RNF144B: variants seen among roughly 807,000 people sequenced by gnomAD.
RNF144B encodes the protein ring finger protein 144B, also known as E3 ubiquitin-protein ligase RNF144B.
A neutral mutation model predicts 40.2 loss-of-function variants in RNF144B; 25 were observed. That is an observed-to-expected ratio of 0.62 (90% CI 0.45 to 0.87). RNF144B has a LOEUF of 0.87. RNF144B is among the 40% of genes least tolerant of loss of function. The pLI is 0.00. For synonymous variants in RNF144B, 145 were observed against 136.3 expected (o/e 1.06, Z -0.44); for missense variants, 365 against 373.7 (o/e 0.98, Z 0.19).
chr6:18,403,214 A>G (rs559225061), intron 2 of RNF144B, among the ~76,000 whole-genome samples: 1 of 152,262 alleles, frequency 6.6e-6, no homozygotes, highest in African/African-American at 2.4e-5. Flanking sequence ...TGTTAATTCA[A>G]GCGAAATAAA....
At position 18,441,695 on chromosome 6, in the gene RNF144B, A is replaced by G. The variant is rs148410120; in HGVS notation, c.331+1951A>G. Among the ~76,000 whole-genome samples the G allele has an allele frequency of 7.8e-4, 119 of 152,288 alleles. No individual in the cohort carries two copies. The highest frequency in any genetic ancestry group is 2.8e-3 in the African/African-American group (117 of 41,570). On this transcript the variant is annotated intron_variant, in intron 4 of 7. Coordinates refer to ENST00000259939, the MANE Select transcript of RNF144B (RefSeq NM_182757.4). The surrounding 1 kb of genome is among the most constrained non-coding windows in gnomAD (Gnocchi z 4.9). Reference sequence around the variant, plus strand: ...AATCGTAGCTAAGACCCTGAGTGCAATTGCAGGCTCCACCACTGGTAAGCT... The same window carrying G: ...AATCGTAGCTAAGACCCTGAGTGCAGTTGCAGGCTCCACCACTGGTAAGCT...
At chr6:18,420,297 G>C (rs1049779440) in intron 2 of RNF144B, among the ~76,000 whole-genome samples, 3 of 152,068 alleles carry the variant, frequency 2.0e-5, no homozygotes, top group Non-Finnish European at 2.9e-5. Flanking sequence ...GGATTTTGGA[G>C]CATTTCAGAT....
chr6:18,428,319 T>A (rs1758612160), intron 3 of RNF144B, among the ~76,000 whole-genome samples: 1 of 152,158 alleles, frequency 6.6e-6, no homozygotes, highest in African/African-American at 2.4e-5. Context: ...ATACAGAGGC[T>A]GAATAGTGAA....
intron 2 of RNF144B, among the ~76,000 whole-genome samples, chr6:18,407,412 C>A (rs1399081728): frequency 6.6e-6 from 1 of 152,058 alleles, no homozygotes; most frequent in East Asian, 1.9e-4. Context: ...AATCATCTCA[C>A]AAGATTATAT....
Position 18,459,666 on chromosome 6 carries a change from A to G in RNF144B, c.596A>G (p.Tyr199Cys), listed in dbSNP as rs1393995532. 1.2e-6 allele frequency: 2 copies of G among 1,614,022 alleles called. No individual in the cohort carries two copies. Among genetic ancestry groups the G allele is most frequent in the South Asian group, 1.1e-5 (1 of 91,088 alleles). Residue 199 changes from tyrosine to cysteine, a missense_variant, in exon 6 of 8, where the codon TAT (tyrosine) becomes TGT (cysteine). Physicochemically the swap from Tyr to Cys is radical, Grantham distance 194. Transcript: ENST00000259939. The surrounding 1 kb of genome is among the most constrained non-coding windows in gnomAD (Gnocchi z 4.2). ...PIKQCPVCRVYIERNEGCAQM... is the reference protein window; with the variant it reads ...PIKQCPVCRVCIERNEGCAQM... ...AAGCAGTGCCCAGTTTGCCGGGTTT[A>G]TATCGAACGCAATGAAGGCTGCGCT...
In RNF144B at chr6:18,456,588, A is replaced by G. The variant is rs1475774440; in HGVS notation, c.332-567A>G. Among the ~76,000 whole-genome samples, 2 of 152,238 alleles carry G rather than the reference A, an allele frequency of 1.3e-5. No individual in the cohort carries two copies. The highest frequency in any genetic ancestry group is 4.8e-5 in the African/African-American group (2 of 41,464). On this transcript the variant is annotated intron_variant, in intron 4 of 7. Transcript: ENST00000259939. This position sits in a 1 kb window ranked among gnomAD's most constrained non-coding sequence, Gnocchi z 4.7. ...TAAAAGTCTTGTGAATTTTGTTTAC[A>G]GAGAACACTTTTTATCTGTTCATAA...
At position 18,467,449 on chromosome 6, in the gene RNF144B, C is replaced by T; in HGVS notation, c.*2382C>T. On this transcript the variant is annotated 3_prime_UTR_variant, in exon 8 of 8. Transcript: ENST00000259939. ...GGGCTATGGAGTGGGGGTTGTTTGT[C>T]AAACTGATTTTCAATAATTGGATTT... 1 of 71,906 alleles carries T rather than the reference C, an allele frequency of 1.4e-5. No individual in the cohort carries two copies. 4.5% of individuals were successfully genotyped at this position (71,906 alleles called of 1,614,324 possible). A position where few individuals can be genotyped will look rare whatever the true frequency, so the allele number is the denominator to read the frequency against.
chr6:18,395,590 T>A lies in RNF144B; in HGVS notation c.-36-3909T>A, dbSNP rs1246428773. Reference sequence around the variant, plus strand: ...CTTGTTTGATATTCTTTTTTTTTTTTAAATGAAGTGCTCACTGCATTTCAT... The same window carrying A: ...CTTGTTTGATATTCTTTTTTTTTTTAAAATGAAGTGCTCACTGCATTTCAT... On this transcript the variant is annotated intron_variant, in intron 1 of 7. Transcript: ENST00000259939. This position sits in a 1 kb window ranked among gnomAD's most constrained non-coding sequence, Gnocchi z 4.5. Among the ~76,000 whole-genome samples the A allele has an allele frequency of 6.6e-6, 1 of 151,904 alleles. No individual in the cohort carries two copies. The highest frequency in any genetic ancestry group is 2.4e-5 in the African/African-American group (1 of 41,330).
In RNF144B at chr6:18,466,983, G is replaced by A. The variant is rs1759583088; in HGVS notation, c.*1916G>A. ...TCTCAATATTGTGTCTTTTTCTTTTGAAACTCTAAACACTTCAGAAAAAAA... is the reference window on the plus strand; with the variant it reads ...TCTCAATATTGTGTCTTTTTCTTTTAAAACTCTAAACACTTCAGAAAAAAA... On this transcript the variant is annotated 3_prime_UTR_variant, in exon 8 of 8. Coordinates refer to ENST00000259939, the MANE Select transcript of RNF144B (RefSeq NM_182757.4). 1 of 152,220 alleles carries A rather than the reference G, an allele frequency of 6.6e-6. No individual in the cohort carries two copies. The highest frequency in any genetic ancestry group is 1.9e-4 in the East Asian group (1 of 5,182). 9.4% of individuals were successfully genotyped at this position (152,220 alleles called of 1,614,324 possible).
At chr6:18,463,451 T>G in intron 7 of RNF144B, 71 bp downstream of exon 7, 1 of 899,486 alleles carries the variant, frequency 1.1e-6, no homozygotes, top group Non-Finnish European at 1.8e-6. Context: ...CCTCTTCGCC[T>G]TTCCTCATTA....
At chr6:18,387,954 A>G (rs549103711) in intron 1 of RNF144B, among the ~76,000 whole-genome samples, 1 of 152,332 alleles carries the variant, frequency 6.6e-6, no homozygotes, top group Non-Finnish European at 1.5e-5. Flanking sequence ...ATCTCGGATT[A>G]TGCATTATAG....
rs1302128076 is a variant in RNF144B at position 18,414,676 on chromosome 6, A to G, written c.166-12905A>G. ...TATTCAAACTGGTTTAAATACTGAG[A>G]CAGATTTTATTTAAAATATAGGATT... On this transcript the variant is annotated intron_variant, in intron 2 of 7. Transcript: ENST00000259939. The surrounding 1 kb of genome is among the most constrained non-coding windows in gnomAD (Gnocchi z 4.9). Among the ~76,000 whole-genome samples the G allele has an allele frequency of 1.3e-5, 2 of 152,166 alleles. No individual in the cohort carries two copies. The highest frequency in any genetic ancestry group is 4.8e-5 in the African/African-American group (2 of 41,452).
chr6:18,411,860 T>C (rs1166594592), intron 2 of RNF144B, among the ~76,000 whole-genome samples: 2 of 152,130 alleles, frequency 1.3e-5, no homozygotes, highest in Non-Finnish European at 2.9e-5. Flanking sequence ...AGAAATGGGA[T>C]CTTTAACTAC....
At position 18,400,837 on chromosome 6, in the gene RNF144B, C is replaced by G. The variant is rs918128215; in HGVS notation, c.165+1138C>G. 1.3e-5 allele frequency among the ~76,000 whole-genome samples: 2 copies of G among 152,000 alleles called. No individual in the cohort carries two copies. The highest frequency in any genetic ancestry group is 2.9e-5 in the Non-Finnish European group (2 of 68,004). On this transcript the variant is annotated intron_variant, in intron 2 of 7. Transcript: ENST00000259939. The surrounding 1 kb of genome is among the most constrained non-coding windows in gnomAD (Gnocchi z 5.6). ...GGAGTTCAGGGCTTAGAGGATGTTG[C>G]TGTTTTAGGTAGGGGGATCAGAAGT...
intron 6 of RNF144B, among the ~76,000 whole-genome samples, chr6:18,461,169 A>G (rs970535300): frequency 1.1e-4 from 16 of 152,216 alleles, no homozygotes; most frequent in Admixed American, 4.6e-4. Flanking sequence ...AATAACCTCC[A>G]TCTTAGTGAT....
intron 3 of RNF144B, 107 bp downstream of exon 3, chr6:18,427,792 A>T: frequency 1.4e-6 from 1 of 728,130 alleles, no homozygotes; most frequent in Non-Finnish European, 2.3e-6. Flanking sequence ...GAAAATACAG[A>T]GGTTAACTTT....
rs540988639 is a variant in RNF144B at position 18,413,474 on chromosome 6, G to C, written c.165+13775G>C. ...CATATTAGAGATTGAGCATGAACAT[G>C]AGTGTTCTGTGAACTTTCCACTGTG... On this transcript the variant is annotated intron_variant, in intron 2 of 7. Transcript: ENST00000259939. Among the ~76,000 whole-genome samples the C allele has an allele frequency of 3.9e-5, 6 of 152,326 alleles. No homozygotes were observed. The South Asian group carries it at 1.2e-3, about 32-fold the overall frequency.
rs1381848509 is a variant in RNF144B at position 18,406,953 on chromosome 6, G to A, written c.165+7254G>A. On this transcript the variant is annotated intron_variant, in intron 2 of 7. Coordinates refer to ENST00000259939, the MANE Select transcript of RNF144B (RefSeq NM_182757.4). This position sits in a 1 kb window ranked among gnomAD's most constrained non-coding sequence, Gnocchi z 4.2. ...AGCAGCCACGTCTTACATAGTAGCA[G>A]GCGAGAAAGAGAGCACCACACTTAT... Among the ~76,000 whole-genome samples, 1 of 152,230 alleles carries A rather than the reference G, an allele frequency of 6.6e-6. No homozygotes were observed. Among genetic ancestry groups the A allele is most frequent in the East Asian group, 1.9e-4 (1 of 5,172 alleles).
At chr6:18,408,260 C>T (rs1794956843) in intron 2 of RNF144B, among the ~76,000 whole-genome samples, 1 of 152,154 alleles carries the variant, frequency 6.6e-6, no homozygotes. Context: ...GCTGGGATTA[C>T]AGATGTGAGC....
Sources: allele counts gnomAD v4.1 joint callset (sites outside exome capture counted in the v4.1 genomes callset), GRCh38; gene constraint gnomAD v4.1.1; non-coding constraint Gnocchi (gnomAD v3.1); transcripts MANE v1.5; gene names NCBI Gene and HGNC (gene_info 2026-07-23, HGNC 2026-07-21).